NET1: variants seen among roughly 807,000 people sequenced by gnomAD.
The protein encoded by NET1 is neuroepithelial cell-transforming gene 1 protein.
A neutral mutation model predicts 61.1 loss-of-function variants in NET1; 42 were observed. The observed-to-expected ratio is 0.69, with a 90% CI of 0.54 to 0.89. The LOEUF (loss-of-function observed/expected upper bound fraction) is 0.89. NET1 is among the 40% of genes least tolerant of loss of function. The probability of loss-of-function intolerance (pLI) is 0.00; values close to 1 mark genes in which losing one functional copy is unlikely to be tolerated. For missense variants in NET1, 654 were observed against 747.3 expected (o/e 0.88, Z 1.46); for synonymous variants, 254 against 281.8 (o/e 0.90, Z 0.99).
In NET1 at chr10:5,417,431, C is replaced by T. The variant is rs1408142049; in HGVS notation, c.128+4611C>T. ...GCAAGGGACCACGCTCTCCTCTACG[C>T]AGCACTTCCCTGCCCCGCTTTGTAT... On this transcript the variant is annotated intron_variant, in intron 1 of 11. Transcript: ENST00000355029. This position sits in a 1 kb window ranked among gnomAD's most constrained non-coding sequence, Gnocchi z 5.5. 1.3e-5 allele frequency among the ~76,000 whole-genome samples: 2 copies of T among 152,166 alleles called. No individual in the cohort carries two copies. Among genetic ancestry groups the T allele is most frequent in the Non-Finnish European group, 2.9e-5 (2 of 68,014 alleles).
rs1832834138 is a variant in NET1, at chr10:5,457,915, AG to A, written c.*922del. Reference sequence around the variant, plus strand: ...CTTCAAAGATTTTGTTGAAAGTTTTAGTGTTGTCTGAAATGCAAGAGGGAAG... The same window carrying A: ...CTTCAAAGATTTTGTTGAAAGTTTTATGTTGTCTGAAATGCAAGAGGGAAG... On this transcript the variant is annotated 3_prime_UTR_variant, in exon 12 of 12. Coordinates refer to ENST00000355029, the MANE Select transcript of NET1 (RefSeq NM_001047160.3). This position sits in a 1 kb window ranked among gnomAD's most constrained non-coding sequence, Gnocchi z 5.4. 1 of 152,594 alleles carries A rather than the reference AG, an allele frequency of 6.6e-6. No individual in the cohort carries two copies. Among genetic ancestry groups the A allele is most frequent in the Non-Finnish European group, 1.5e-5 (1 of 68,024 alleles). 9.5% of individuals were successfully genotyped at this position (152,594 alleles called of 1,614,324 possible).
rs771925361 is a variant in NET1, at chr10:5,453,329, A to G, written c.674A>G (p.Tyr225Cys). 9 of 1,610,372 alleles carry G rather than the reference A, an allele frequency of 5.6e-6. No homozygotes were observed. Among genetic ancestry groups the G allele is most frequent in the Non-Finnish European group, 7.6e-6 (9 of 1,176,574 alleles). ...CATATATTTGGTGATCTGGACTCTT[A>G]CATACCTCTGCATGAAGGTTAGATG... The part of the protein sequence containing the change: ...LTHIFGDLDS[Y>C]IPLHEDLLTR... The change falls in exon 7 of 12, where the codon TAC (tyrosine) becomes TGC (cysteine). Residue 225 changes from tyrosine to cysteine, a missense_variant. Physicochemically the swap from Tyr to Cys is radical, Grantham distance 194 (BLOSUM62 -2). Transcript: ENST00000355029. This position sits in a 1 kb window ranked among gnomAD's most constrained non-coding sequence, Gnocchi z 4.9.
chr10:5,441,848 G>T lies in NET1; in HGVS notation c.256-9982G>T, dbSNP rs981504777. Among the ~76,000 whole-genome samples the T allele has an allele frequency of 4.6e-5, 7 of 151,886 alleles. No individual in the cohort carries two copies. The highest frequency in any genetic ancestry group is 2.0e-4 in the Admixed American group (3 of 15,252). ...TATTACTAGATATTTTGGAACTATG[G>T]TTTTTCAAAAGTTCCACTTTTCAAT... On this transcript the variant is annotated intron_variant, in intron 3 of 11. Coordinates refer to ENST00000355029, the MANE Select transcript of NET1 (RefSeq NM_001047160.3). This position sits in a 1 kb window ranked among gnomAD's most constrained non-coding sequence, Gnocchi z 4.6.
intron 3 of NET1, among the ~76,000 whole-genome samples, chr10:5,433,194 G>A (rs1832375913): frequency 6.6e-6 from 1 of 152,090 alleles, no homozygotes; most frequent in Non-Finnish European, 1.5e-5. Flanking sequence ...TAGTTCTACT[G>A]GTAAATATAT....
intron 3 of NET1, among the ~76,000 whole-genome samples, chr10:5,429,582 G>T (rs1296398472): frequency 6.6e-6 from 1 of 152,178 alleles, no homozygotes; most frequent in Non-Finnish European, 1.5e-5. Flanking sequence ...ATGTAGGACT[G>T]TCAAAACCTG....
In NET1 at chr10:5,455,745, C is replaced by T. The variant is rs111894969; in HGVS notation, c.1198-342C>T. ...CATTTTACCAGCTTGCATTTTTAAT[C>T]CCTCCTTCGTGTTAGAAAACTGTGG... On this transcript the variant is annotated intron_variant, in intron 10 of 11. Coordinates refer to ENST00000355029, the MANE Select transcript of NET1 (RefSeq NM_001047160.3). This position sits in a 1 kb window ranked among gnomAD's most constrained non-coding sequence, Gnocchi z 6.5. Among the ~76,000 whole-genome samples, 18 of 152,284 alleles carry T rather than the reference C, an allele frequency of 1.2e-4. No homozygotes were observed. The highest frequency in any genetic ancestry group is 3.6e-4 in the African/African-American group (15 of 41,562).
rs776689968 is a variant in NET1, at chr10:5,435,530, TAGACAGACAGAC to T, written c.255+6305_255+6316del. ...ATAGATAGATAGATAGATAGATAGA[TAGACAGACAGAC>T]AGATAGATAGATAGATAGATAAAAT... On this transcript the variant is annotated intron_variant, in intron 3 of 11. Transcript: ENST00000355029. The surrounding 1 kb of genome is among the most constrained non-coding windows in gnomAD (Gnocchi z 5.0). 0.12 allele frequency among the ~76,000 whole-genome samples: 1,552 copies of T among 12,724 alleles called. 25 individuals carry two copies. The highest frequency in any genetic ancestry group is 0.23 in the Non-Finnish European group (881 of 3,816). 8.3% of individuals were successfully genotyped at this position (12,724 alleles called of 152,430 possible).
At position 5,455,310 on chromosome 10, in the gene NET1, G is replaced by A. The variant is rs578057824; in HGVS notation, c.1197+192G>A. On this transcript the variant is annotated intron_variant, in intron 10 of 11. Transcript: ENST00000355029. This position sits in a 1 kb window ranked among gnomAD's most constrained non-coding sequence, Gnocchi z 6.5. ...CCTTAAATGTCTCAGTGGAGAATCA[G>A]TAATACTTTATTTTTTAGTTTCGAA... is the stretch of plus-strand genomic sequence containing the variant. Among the ~76,000 whole-genome samples the A allele has an allele frequency of 6.6e-5, 10 of 152,286 alleles. No homozygotes were observed. The East Asian group carries it at 7.7e-4, about 12-fold the overall frequency.
In NET1 at chr10:5,412,945, G is replaced by A. The variant is rs915967076; in HGVS notation, c.128+125G>A. The A allele has an allele frequency of 2.2e-6, 2 of 900,704 alleles. No individual in the cohort carries two copies. Among genetic ancestry groups the A allele is most frequent in the Non-Finnish European group, 2.8e-6 (2 of 704,006 alleles). The allele number at this position is 900,704 out of a possible 1,614,324, so 55.8% of individuals were successfully genotyped here. ...GGAGGGCTGGCCGGGAGTTGGATGT[G>A]GGGGGCGGCGAGTGGGGGTGTTGGT... On this transcript the variant is annotated intron_variant, in intron 1 of 11. Transcript: ENST00000355029. This position sits in a 1 kb window ranked among gnomAD's most constrained non-coding sequence, Gnocchi z 6.5.
chr10:5,425,306 C>T (rs2119173115), intron 1 of NET1, among the ~76,000 whole-genome samples: 1 of 152,212 alleles, frequency 6.6e-6, no homozygotes, highest in African/African-American at 2.4e-5. Flanking sequence ...TCATATTTAG[C>T]TTAGAAAACT....
intron 1 of NET1, among the ~76,000 whole-genome samples, chr10:5,419,653 C>G (rs1257733811): frequency 6.6e-6 from 1 of 150,390 alleles, no homozygotes; most frequent in Non-Finnish European, 1.5e-5. Flanking sequence ...TATGGTATTT[C>G]TTGTAAGGCA....
In NET1 at chr10:5,452,579, G is replaced by A. The variant is rs1424087150; in HGVS notation, c.531+54G>A. On this transcript the variant is annotated intron_variant, in intron 5 of 11. Transcript: ENST00000355029. This position sits in a 1 kb window ranked among gnomAD's most constrained non-coding sequence, Gnocchi z 4.0. ...CCCAAAAGAACAGCAAATTGATGCC[G>A]ATGGCAAAATTAACTTGGATTTTTG... 4.6e-6 allele frequency: 7 copies of A among 1,532,210 alleles called. No homozygotes were observed. Among genetic ancestry groups the A allele is most frequent in the South Asian group, 1.2e-5 (1 of 82,034 alleles). 94.9% of individuals were successfully genotyped at this position (1,532,210 alleles called of 1,614,324 possible).
Position 5,452,023 on chromosome 10 carries a change from G to C in NET1, c.363+86G>C. Reference sequence around the variant, plus strand: ...AGTTGTCTTTGAGCTGTACAAACAAGTTTGCATTATTATATTTAAACATAG... The same window carrying C: ...AGTTGTCTTTGAGCTGTACAAACAACTTTGCATTATTATATTTAAACATAG... On this transcript the variant is annotated intron_variant, in intron 4 of 11. Coordinates refer to ENST00000355029, the MANE Select transcript of NET1 (RefSeq NM_001047160.3). This position sits in a 1 kb window ranked among gnomAD's most constrained non-coding sequence, Gnocchi z 4.0. 1 of 971,624 alleles carries C rather than the reference G, an allele frequency of 1.0e-6. No individual in the cohort carries two copies. Among genetic ancestry groups the C allele is most frequent in the Non-Finnish European group, 1.5e-6 (1 of 646,904 alleles). 60.2% of individuals were successfully genotyped at this position (971,624 alleles called of 1,614,324 possible). A position where few individuals can be genotyped will look rare whatever the true frequency, so the allele number is the denominator to read the frequency against.
chr10:5,451,966 G>A lies in NET1; in HGVS notation c.363+29G>A. 5 of 1,540,730 alleles carry A rather than the reference G, an allele frequency of 3.2e-6. No homozygotes were observed. The highest frequency in any genetic ancestry group is 4.5e-6 in the Non-Finnish European group (5 of 1,116,228). On this transcript the variant is annotated intron_variant, in intron 4 of 11. Coordinates refer to ENST00000355029, the MANE Select transcript of NET1 (RefSeq NM_001047160.3). This position sits in a 1 kb window ranked among gnomAD's most constrained non-coding sequence, Gnocchi z 6.1. ...AAAAGAGAGGAGGAAGAGTAATGTA[G>A]TCAGCGGACTTTATAGAAGCCTGGA...
Position 5,456,085 on chromosome 10 carries a change from A to G in NET1, c.1198-2A>G. ...TTTAGCGTTTGTTTCCCATTTCTCC[A>G]GAAACTTTACATTTTCCTGTTTCAA... On this transcript the variant is annotated splice_acceptor_variant, in intron 10 of 11. Transcript: ENST00000355029. LOFTEE classifies it high-confidence loss of function. The surrounding 1 kb of genome is among the most constrained non-coding windows in gnomAD (Gnocchi z 7.0). 1 of 1,607,818 alleles carries G rather than the reference A, an allele frequency of 6.2e-7. No individual in the cohort carries two copies. The highest frequency in any genetic ancestry group is 8.5e-7 in the Non-Finnish European group (1 of 1,176,606).
rs1329165848 is a variant in NET1, at chr10:5,417,329, T to TG, written c.128+4510dup. On this transcript the variant is annotated intron_variant, in intron 1 of 11. Transcript: ENST00000355029. The surrounding 1 kb of genome is among the most constrained non-coding windows in gnomAD (Gnocchi z 5.5). ...GGTGAGCCAGGGTGGTCTTGGGAAA[T>TG]GCAACATTTGGGTAGGAAAACAGAA... Among the ~76,000 whole-genome samples the TG allele has an allele frequency of 6.6e-6, 1 of 152,004 alleles. No homozygotes were observed. The highest frequency in any genetic ancestry group is 1.5e-5 in the Non-Finnish European group (1 of 67,992).
rs1227660924 is a variant in NET1, at chr10:5,422,546, C to T, written c.129-4109C>T. Among the ~76,000 whole-genome samples the T allele has an allele frequency of 6.6e-6, 1 of 152,152 alleles. No homozygotes were observed. The highest frequency in any genetic ancestry group is 1.5e-5 in the Non-Finnish European group (1 of 68,034). On this transcript the variant is annotated intron_variant, in intron 1 of 11. Transcript: ENST00000355029. The surrounding 1 kb of genome is among the most constrained non-coding windows in gnomAD (Gnocchi z 4.1). ...CTTGCTGTTGTCATTATCCCCTGTT[C>T]CCTCTTCCCTGAATTTGCTGCTGTG...
rs1431993198 is a variant in NET1, at chr10:5,427,460, T to C, written c.195+739T>C. 6.6e-6 allele frequency among the ~76,000 whole-genome samples: 1 copy of C among 152,170 alleles called. No individual in the cohort carries two copies. Among genetic ancestry groups the C allele is most frequent in the Non-Finnish European group, 1.5e-5 (1 of 68,012 alleles). The stretch of plus-strand genomic sequence containing the variant: ...TCTCCATATTAGTCCATTCCCAGGC[T>C]CTGCTCTAACCATGTCAACAGTACC... On this transcript the variant is annotated intron_variant, in intron 2 of 11. Transcript: ENST00000355029. This position sits in a 1 kb window ranked among gnomAD's most constrained non-coding sequence, Gnocchi z 4.1.
In NET1 at chr10:5,455,619, TTTG is replaced by T. The variant is rs1832783894; in HGVS notation, c.1198-465_1198-463del. 6.6e-6 allele frequency among the ~76,000 whole-genome samples: 1 copy of T among 152,252 alleles called. No homozygotes were observed. Among genetic ancestry groups the T allele is most frequent in the Non-Finnish European group, 1.5e-5 (1 of 68,044 alleles). ...AAAAGCCCAATTTATAAGTTGGAGT[TTTG>T]TTTAAAAAAATTTGAAATCTGACAT... On this transcript the variant is annotated intron_variant, in intron 10 of 11. Transcript: ENST00000355029. The surrounding 1 kb of genome is among the most constrained non-coding windows in gnomAD (Gnocchi z 6.5).
Sources: gnomAD v4.1 joint callset for allele counts (sites outside exome capture counted in the v4.1 genomes callset) on GRCh38, gnomAD v4.1.1 for gene constraint, Gnocchi (gnomAD v3.1) non-coding constraint, MANE v1.5 for transcripts, NCBI Gene and HGNC (gene_info 2026-07-23, HGNC 2026-07-21) for gene names.